The following ADGRV1 variants were observed in gnomAD, a reference collection of about 807,000 sequenced individuals.
ADGRV1 encodes the protein G-protein coupled receptor 98.
A neutral mutation model predicts 596.2 loss-of-function variants in ADGRV1; 359 were observed. The ratio of observed to expected loss-of-function variants is 0.60; its 90% CI spans 0.55 to 0.66. The LOEUF (loss-of-function observed/expected upper bound fraction) is 0.66, where lower values mean the gene tolerates loss of function less well. Ranked by LOEUF, ADGRV1 falls within the 30% of genes least tolerant of loss-of-function variation. The pLI, the probability that ADGRV1 is intolerant of heterozygous loss-of-function variation, is 0.00. For missense variants in ADGRV1, 7,274 were observed against 7,575.6 expected (o/e 0.96, Z 1.48); for synonymous variants, 2,681 against 2,679.2 (o/e 1.00, Z -0.02).
intron 32 of ADGRV1, among the ~76,000 whole-genome samples, chr5:90,693,355 T>C (rs1373605255): frequency 6.6e-6 from 1 of 152,154 alleles, no homozygotes; most frequent in Non-Finnish European, 1.5e-5. Context: ...CCATATACTT[T>C]AAATCATCTC....
At position 90,778,480 on chromosome 5, in the gene ADGRV1, T is replaced by C; in HGVS notation, c.12720T>C (p.Thr4240=). Residue 4240 remains threonine (T), a synonymous_variant, in exon 63 of 90, where the codon ACT becomes ACC. Transcript: ENST00000405460. ...EEKSFYEFQL[T]AVSEGGVLSE... Reference sequence around the variant, plus strand: ...AAAGCTTCTATGAGTTTCAGCTCACTGCAGTCAGTGAGGGAGGAGTTCTGA... The same window carrying C: ...AAAGCTTCTATGAGTTTCAGCTCACCGCAGTCAGTGAGGGAGGAGTTCTGA... 1 of 1,613,272 alleles carries C rather than the reference T, an allele frequency of 6.2e-7. No individual in the cohort carries two copies.
At chr5:90,813,685 G>A (rs990767879) in intron 74 of ADGRV1, among the ~76,000 whole-genome samples, 6 of 152,066 alleles carry the variant, frequency 3.9e-5, no homozygotes, top group African/African-American at 1.2e-4. Flanking sequence ...GCACATTCAC[G>A]TGGTCATAAT....
At chr5:90,982,962 A>C (rs1232338488) in intron 84 of ADGRV1, among the ~76,000 whole-genome samples, 1 of 152,220 alleles carries the variant, frequency 6.6e-6, no homozygotes, top group Non-Finnish European at 1.5e-5. Flanking sequence ...TGAGCTAGTC[A>C]ACACAAATCT....
At chr5:91,018,337 G>A (rs372806469) in intron 85 of ADGRV1, among the ~76,000 whole-genome samples, 7 of 152,028 alleles carry the variant, frequency 4.6e-5, no homozygotes, top group East Asian at 1.9e-4. Context: ...CTGCTGTCCC[G>A]GGACCTGGCC....
intron 4 of ADGRV1, 118 bp from the exon 5 acceptor site, chr5:90,622,479 T>G (rs1764216361): frequency 2.4e-6 from 1 of 419,066 alleles, no homozygotes; most frequent in Non-Finnish European, 4.3e-6. Flanking sequence ...CACATTCTTA[T>G]CGTACAGTGT....
intron 1 of ADGRV1, among the ~76,000 whole-genome samples, chr5:90,601,244 A>T (rs1307178617): frequency 6.6e-6 from 1 of 152,012 alleles, no homozygotes; most frequent in African/African-American, 2.4e-5. Flanking sequence ...TCTCAAAAAA[A>T]AAAAAGCAGC....
chr5:90,999,529 A>G (rs1462505705), intron 85 of ADGRV1, among the ~76,000 whole-genome samples: 1 of 152,032 alleles, frequency 6.6e-6, no homozygotes, highest in Admixed American at 6.6e-5. Context: ...AGCGGAATAG[A>G]GCATTAGGAA....
At position 90,775,287 on chromosome 5, in the gene ADGRV1, A is replaced by G. The variant is rs537982571; in HGVS notation, c.12403+984A>G. On this transcript the variant is annotated intron_variant, in intron 60 of 89. Coordinates refer to ENST00000405460, the MANE Select transcript of ADGRV1 (RefSeq NM_032119.4). ...TACTTAGGGTAGTTATAATTTCTGC[A>G]TTTTATTTAGGATATTTTCCATTAA... Among the ~76,000 whole-genome samples the G allele has an allele frequency of 3.3e-5, 5 of 152,290 alleles. No homozygotes were observed. In the South Asian group the frequency reaches 1.0e-3, roughly 32 times the overall value.
intron 1 of ADGRV1, among the ~76,000 whole-genome samples, chr5:90,591,750 T>C (rs929774632): frequency 6.6e-6 from 1 of 152,224 alleles, no homozygotes; most frequent in Admixed American, 6.5e-5. Flanking sequence ...TTAGTAGCTA[T>C]GGTTTTGTTC....
chr5:90,811,751 A>G (rs1762457852), intron 74 of ADGRV1, among the ~76,000 whole-genome samples: 1 of 151,984 alleles, frequency 6.6e-6, no homozygotes, highest in Admixed American at 6.6e-5. Flanking sequence ...TCTGTTACCA[A>G]AAAGATTTAA....
At chr5:90,914,673 C>T (rs1773189660) in intron 83 of ADGRV1, among the ~76,000 whole-genome samples, 1 of 152,018 alleles carries the variant, frequency 6.6e-6, no homozygotes. Flanking sequence ...TTTTTACTTG[C>T]CAGCAGCTGC....
chr5:90,955,324 T>A (rs1777380918), intron 83 of ADGRV1, among the ~76,000 whole-genome samples: 1 of 152,204 alleles, frequency 6.6e-6, no homozygotes, highest in South Asian at 2.1e-4. Context: ...GCTTTCTGTC[T>A]GAAAATAATG....
intron 32 of ADGRV1, among the ~76,000 whole-genome samples, chr5:90,693,165 C>A (rs888405552): frequency 3.1e-5 from 1 of 32,628 alleles, no homozygotes; most frequent in Non-Finnish European, 5.3e-5. Flanking sequence ...TGTGAGGCAG[C>A]ATTGGGCTCA....
chr5:90,694,729 G>C, intron 33 of ADGRV1, 28 bp downstream of exon 33: 1 of 1,514,108 alleles, frequency 6.6e-7, no homozygotes, highest in Non-Finnish European at 8.9e-7. Context: ...ATGAATTTCC[G>C]TTGCCCCAGT....
intron 27 of ADGRV1, among the ~76,000 whole-genome samples, chr5:90,683,118 A>G (rs1745156963): frequency 6.6e-6 from 1 of 152,272 alleles, no homozygotes; most frequent in Non-Finnish European, 1.5e-5. Flanking sequence ...CATAAAAGAT[A>G]CACAAAAAAT....
At position 90,627,594 on chromosome 5, in the gene ADGRV1, G is replaced by T; in HGVS notation, c.1056G>T (p.Pro352=). 6.2e-7 allele frequency: 1 copy of T among 1,613,768 alleles called. No homozygotes were observed. The highest frequency in any genetic ancestry group is 8.5e-7 in the Non-Finnish European group (1 of 1,179,826). The change falls in exon 7 of 90, where the codon CCG becomes CCT. Residue 352 remains proline (P), a synonymous_variant. Coordinates refer to ENST00000405460, the MANE Select transcript of ADGRV1 (RefSeq NM_032119.4). ...TTCAAATAGTTGATGACACCATACC[G>T]GAGATTGCTGAATCGTTTCACATTA... ...LKFQIVDDTI[P]EIAESFHIML... is the part of the protein sequence containing the mutation.
chr5:90,991,431 TGTTTTTTA>T (rs936888448), intron 85 of ADGRV1, among the ~76,000 whole-genome samples: 3 of 152,214 alleles, frequency 2.0e-5, no homozygotes, highest in African/African-American at 7.2e-5. Flanking sequence ...AATTGATTAC[TGTTTTTTA>T]GTTTTTTTGT....
chr5:91,077,613 G>C (rs1788966988), intron 86 of ADGRV1, among the ~76,000 whole-genome samples: 1 of 152,188 alleles, frequency 6.6e-6, no homozygotes, highest in Admixed American at 6.5e-5. Context: ...AGCATGGCCT[G>C]GGACAGGACA....
intron 85 of ADGRV1, among the ~76,000 whole-genome samples, chr5:91,048,885 A>G (rs1786070011): frequency 2.0e-5 from 3 of 152,326 alleles, no homozygotes; most frequent in South Asian, 2.1e-4. Context: ...TTGCATCTTC[A>G]GTAGTTAGGC....
Sources: allele counts gnomAD v4.1 joint callset (sites outside exome capture counted in the v4.1 genomes callset), GRCh38; gene constraint gnomAD v4.1.1; transcripts MANE v1.5; gene names NCBI Gene and HGNC (gene_info 2026-07-23, HGNC 2026-07-21).